PRPF19: variants seen among roughly 807,000 people sequenced by gnomAD.
PRPF19 encodes the protein pre-mRNA-processing factor 19.
A neutral mutation model predicts 64.2 loss-of-function variants in PRPF19; 2 were observed. The ratio of observed to expected loss-of-function variants is 0.03; its 90% CI spans 0.01 to 0.10. The LOEUF (loss-of-function observed/expected upper bound fraction) is 0.10. Ranked by LOEUF, PRPF19 falls within the 10% of genes least tolerant of loss-of-function variation. PRPF19 has a pLI of 1.00. For missense variants in PRPF19, 314 were observed against 650.0 expected (o/e 0.48, Z 5.62); for synonymous variants, 226 against 251.6 (o/e 0.90, Z 0.96).
At chr11:60,901,218 C>T in intron 8 of PRPF19, 77 bp downstream of exon 8, 2 of 1,481,104 alleles carry the variant, frequency 1.4e-6, no homozygotes, top group Non-Finnish European at 1.9e-6. Flanking sequence ...GCACTCAGCA[C>T]TCCCCATGCT....
At chr11:60,905,580 G>A (rs1330178854) in intron 1 of PRPF19, 1 of 152,194 alleles carries the variant, frequency 6.6e-6, no homozygotes, top group Non-Finnish European at 1.5e-5. Flanking sequence ...TGGAAGGTAT[G>A]AAAAAAGCAT....
At chr11:60,903,892 A>C in intron 1 of PRPF19, 31 bp from the exon 2 acceptor site, 1 of 1,599,646 alleles carries the variant, frequency 6.3e-7, no homozygotes, top group South Asian at 1.1e-5. Flanking sequence ...GTGAGCTTGG[A>C]GTGAAGGCAA....
In PRPF19 at chr11:60,897,894, C is replaced by T; in HGVS notation, c.1369G>A (p.Val457Ile). Reference protein sequence around the residue: ...GTYLALGGTDVQIYICKQWTE... With the variant: ...GTYLALGGTDIQIYICKQWTE... ...CATTGTTTGCAGATGTAGATCTGGACATCCGTGCCCCCAAGAGCCAGGTAG... is the reference window on the plus strand; with the variant it reads ...CATTGTTTGCAGATGTAGATCTGGATATCCGTGCCCCCAAGAGCCAGGTAG... Residue 457 changes from valine to isoleucine, a missense_variant, in exon 15 of 16, where the codon GTC becomes ATC. This residue lies in a region of PRPF19 where 47 missense variants were observed against 94.5 expected (regional missense o/e 0.50). Coordinates refer to ENST00000227524, the MANE Select transcript of PRPF19 (RefSeq NM_014502.5). 1 of 1,614,054 alleles carries T rather than the reference C, an allele frequency of 6.2e-7. No individual in the cohort carries two copies. Among genetic ancestry groups the T allele is most frequent in the Non-Finnish European group, 8.5e-7 (1 of 1,179,996 alleles).
rs1320847176 is a variant in PRPF19, at chr11:60,903,499, G to T, written c.206C>A (p.Thr69Asn). 1 of 1,614,116 alleles carries T rather than the reference G, an allele frequency of 6.2e-7. No homozygotes were observed. Among genetic ancestry groups the T allele is most frequent in the Non-Finnish European group, 8.5e-7 (1 of 1,180,032 alleles). Residue 69 changes from threonine (T) to asparagine (N), a missense_variant, in exon 3 of 16, where the codon ACC (threonine) becomes AAC (asparagine). Physicochemically the swap from Thr to Asn is moderately conservative, Grantham distance 65. Transcript: ENST00000227524. ...HPIRPKPPSA[T>N]SIPAILKALQ... ...AGCTTTCAGAATGGCCGGGATGCTG[G>T]TGGCTGAGGGAGGCTTGGGCCGGAT...
chr11:60,899,680 G>A (rs1174632370), intron 10 of PRPF19, among the ~76,000 whole-genome samples: 1 of 152,208 alleles, frequency 6.6e-6, no homozygotes, highest in East Asian at 1.9e-4. Flanking sequence ...AACTGCTACT[G>A]TACTGTATGG....
At position 60,902,797 on chromosome 11, in the gene PRPF19, C is replaced by T. The variant is rs1304026288; in HGVS notation, c.331G>A (p.Asp111Asn). Reference protein sequence around the residue: ...QELSHALYQHDAACRVIARLT... With the variant: ...QELSHALYQHNAACRVIARLT... ...CGGGCAATGACACGGCAGGCGGCAT[C>T]GTGCTGGTACAGAGCGTGTGACAGC... The change falls in exon 4 of 16, where the codon GAT becomes AAT. Residue 111 changes from aspartate (D) to asparagine (N), a missense_variant. Asp to Asn is a conservative substitution (Grantham distance 23). Around this residue, in one of 7 missense-constraint regions of PRPF19, gnomAD observed 17 missense variants for 32.2 expected, o/e 0.53. Transcript: ENST00000227524. The surrounding 1 kb of genome is among the most constrained non-coding windows in gnomAD (Gnocchi z 5.0). 6.2e-7 allele frequency: 1 copy of T among 1,614,142 alleles called. No individual in the cohort carries two copies. Among genetic ancestry groups the T allele is most frequent in the Admixed American group, 1.7e-5 (1 of 60,022 alleles).
Position 60,890,958 on chromosome 11 carries a change from C to A in PRPF19, c.*208G>T. 1.6e-6 allele frequency: 1 copy of A among 615,228 alleles called. No homozygotes were observed. 38.1% of individuals were successfully genotyped at this position (615,228 alleles called of 1,614,324 possible). On this transcript the variant is annotated 3_prime_UTR_variant, in exon 16 of 16. Transcript: ENST00000227524. ...AGGGTGACAGTTCTTCCTTCCACAT[C>A]CGTTCCCATGGGGCCTGGAGTTGCA...
At position 60,897,984 on chromosome 11, in the gene PRPF19, AG is replaced by A. The variant is rs747668043; in HGVS notation, c.1312-34del. 6.1e-5 allele frequency: 98 copies of A among 1,611,196 alleles called. No homozygotes were observed. The South Asian group carries it at 8.5e-4, about 14-fold the overall frequency. On this transcript the variant is annotated intron_variant, in intron 14 of 15. Transcript: ENST00000227524. ...AAATAGAAAGAGAGAAGGTCACACA[AG>A]GGGAACAGAAACTATGGGGCAGTTG...
chr11:60,895,530 T>A (rs1484376863), intron 15 of PRPF19, among the ~76,000 whole-genome samples: 1 of 152,260 alleles, frequency 6.6e-6, no homozygotes, highest in Non-Finnish European at 1.5e-5. Context: ...TTTCTCCATA[T>A]CAGCAATAAG....
Position 60,890,585 on chromosome 11 carries a change from T to TAAA in PRPF19, c.*578_*580dup, listed in dbSNP as rs555441530. The TAAA allele has an allele frequency of 2.8e-4, 73 of 259,226 alleles. No individual in the cohort carries two copies. The highest frequency in any genetic ancestry group is 6.5e-4 in the South Asian group (19 of 29,118). 16.1% of individuals were successfully genotyped at this position (259,226 alleles called of 1,614,324 possible). A position where few individuals can be genotyped will look rare whatever the true frequency, so the allele number is the denominator to read the frequency against. On this transcript the variant is annotated 3_prime_UTR_variant, in exon 16 of 16. Transcript: ENST00000227524. Reference sequence around the variant, plus strand: ...TTTGTTTTTATTTCTGCTGTGCAATTAAAAAAAAAAAAAAAGGGTAAGAGC... The same window carrying TAAA: ...TTTGTTTTTATTTCTGCTGTGCAATTAAAAAAAAAAAAAAAAAAGGGTAAGAGC...
chr11:60,897,912 C>A lies in PRPF19; in HGVS notation c.1351G>T (p.Ala451Ser). The A allele has an allele frequency of 1.2e-6, 2 of 1,614,008 alleles. No homozygotes were observed. Among genetic ancestry groups the A allele is most frequent in the Non-Finnish European group, 1.7e-6 (2 of 1,180,008 alleles). Residue 451 changes from alanine to serine, a missense_variant, in exon 15 of 16, where the codon GCT becomes TCT. By Grantham distance (99) the Ala-to-Ser change is moderately conservative (BLOSUM62 1). This residue lies in a region of PRPF19 where 47 missense variants were observed against 94.5 expected (regional missense o/e 0.50). Coordinates refer to ENST00000227524, the MANE Select transcript of PRPF19 (RefSeq NM_014502.5). ...ATCTGGACATCCGTGCCCCCAAGAG[C>A]CAGGTAGGTACCACTCTGGTCAAAG... ...LIFDQSGTYL[A>S]LGGTDVQIYI...
At position 60,903,835 on chromosome 11, in the gene PRPF19, A is replaced by G. The variant is rs1856012875; in HGVS notation, c.46T>C (p.Cys16Arg). ...ACATGATTAGAGACAGGGGATACAC[A>G]TGGGTGCTCCGGCACTTCGTTAGAG... ...SISNEVPEHP[C>R]VSPVSNHVYE... The change falls in exon 2 of 16, where the codon TGT becomes CGT. Residue 16 changes from cysteine to arginine, a missense_variant. Coordinates refer to ENST00000227524, the MANE Select transcript of PRPF19 (RefSeq NM_014502.5). 1.2e-6 allele frequency: 2 copies of G among 1,609,006 alleles called. No homozygotes were observed. The highest frequency in any genetic ancestry group is 1.7e-5 in the Admixed American group (1 of 57,642).
At chr11:60,893,039 G>C (rs187353506) in intron 15 of PRPF19, among the ~76,000 whole-genome samples, 1 of 151,854 alleles carries the variant, frequency 6.6e-6, no homozygotes, top group Non-Finnish European at 1.5e-5. Flanking sequence ...ACATGTCAGC[G>C]ACGGACCACA....
At chr11:60,897,670 T>C (rs1184975638) in intron 15 of PRPF19, 176 bp downstream of exon 15, 5 of 564,138 alleles carry the variant, frequency 8.9e-6, no homozygotes, top group Non-Finnish European at 1.6e-5. Flanking sequence ...AGCACTAGCA[T>C]CTACTGCCAT....
At chr11:60,903,314 G>A in intron 3 of PRPF19, 145 bp downstream of exon 3, 1 of 887,452 alleles carries the variant, frequency 1.1e-6, no homozygotes, top group East Asian at 2.7e-5. Context: ...CTCAGTGCTG[G>A]GGATACAACG....
intron 1 of PRPF19, among the ~76,000 whole-genome samples, chr11:60,904,999 T>G (rs1175947663): frequency 6.6e-6 from 1 of 152,202 alleles, no homozygotes; most frequent in Non-Finnish European, 1.5e-5. Flanking sequence ...TACAGACACT[T>G]ATCACCTGGA....
In PRPF19 at chr11:60,891,103, C is replaced by A. The variant is rs569612801; in HGVS notation, c.*63G>T. ...CCCATAGATTCCCCCCACCCCCCCC[C>A]CCAAACCCTAATTCTACCCCTCTAC... On this transcript the variant is annotated 3_prime_UTR_variant, in exon 16 of 16. Coordinates refer to ENST00000227524, the MANE Select transcript of PRPF19 (RefSeq NM_014502.5). 10 of 534,738 alleles carry A rather than the reference C, an allele frequency of 1.9e-5. No homozygotes were observed. The highest frequency in any genetic ancestry group is 5.2e-5 in the South Asian group (3 of 57,222). The allele number at this position is 534,738 out of a possible 1,614,324, so 33.1% of individuals were successfully genotyped here.
chr11:60,905,556 A>C (rs1330835301), intron 1 of PRPF19: 1 of 152,276 alleles, frequency 6.6e-6, no homozygotes, highest in Non-Finnish European at 1.5e-5. Context: ...ATAAAATATC[A>C]AAGGGAAAGA....
chr11:60,900,645 T>C lies in PRPF19; in HGVS notation c.765A>G (p.Gln255=). 2 of 1,559,344 alleles carry C rather than the reference T, an allele frequency of 1.3e-6. No individual in the cohort carries two copies. The highest frequency in any genetic ancestry group is 1.7e-6 in the Non-Finnish European group (2 of 1,150,104). The stretch of plus-strand genomic sequence containing the variant: ...TATGGCCTTTGAGGGTAGCCAGGAT[T>C]TGTTCAGAACTTTTGTCAAACACAA... The part of the protein sequence containing the change: ...NVVVFDKSSE[Q]ILATLKGHTK... The change falls in exon 10 of 16, where the codon CAA becomes CAG. Residue 255 remains glutamine (Q), a synonymous_variant. Coordinates refer to ENST00000227524, the MANE Select transcript of PRPF19 (RefSeq NM_014502.5).
Sources: allele counts gnomAD v4.1 joint callset (sites outside exome capture counted in the v4.1 genomes callset), GRCh38; gene constraint gnomAD v4.1.1; regional missense constraint gnomAD v4.1.1; non-coding constraint Gnocchi (gnomAD v3.1); transcripts MANE v1.5; gene names NCBI Gene and HGNC (gene_info 2026-07-23, HGNC 2026-07-21).